HIVEP3: variants seen among roughly 807,000 people sequenced by gnomAD.
HIVEP3 encodes HIVEP zinc finger 3, also known as transcription factor HIVEP3.
Under a neutral mutation model 152.8 loss-of-function variants are expected in HIVEP3, and 49 were observed. The observed-to-expected ratio is 0.32, with a 90% CI of 0.26 to 0.41. The LOEUF (loss-of-function observed/expected upper bound fraction) is 0.41. Among genes scored for constraint, HIVEP3 ranks in the 10% least tolerant of loss-of-function variants. The pLI is 1.00. For missense variants in HIVEP3, 2,790 were observed against 3,103.3 expected, an observed-to-expected ratio of 0.90 and a Z score of 2.40; for synonymous variants, 1,269 against 1,289.0, an observed-to-expected ratio of 0.98 and a Z score of 0.33.
At chr1:41,524,966 C>A in intron 5 of HIVEP3, 56 bp from the exon 6 acceptor site, 1 of 1,524,894 alleles carries the variant, frequency 6.6e-7, no homozygotes, top group Non-Finnish European at 9.0e-7. Context: ...GGCAGGTTCC[C>A]ACCTCAGAAG....
intron 1 of HIVEP3, among the ~76,000 whole-genome samples, chr1:41,727,051 C>A (rs760601412): frequency 6.6e-6 from 1 of 152,186 alleles, no homozygotes; most frequent in Non-Finnish European, 1.5e-5. Context: ...TGCCTTTGGC[C>A]AGGTGTGGGC....
intron 5 of HIVEP3, among the ~76,000 whole-genome samples, chr1:41,562,629 CTCT>C (rs1228545366): frequency 1.1e-5 from 1 of 94,678 alleles, no homozygotes; most frequent in Non-Finnish European, 2.4e-5. Flanking sequence ...CTCTCTCTCT[CTCT>C]CCCTCTCTCT....
intron 1 of HIVEP3, among the ~76,000 whole-genome samples, chr1:41,819,613 T>C (rs1257949869): frequency 6.6e-6 from 1 of 152,220 alleles, no homozygotes; most frequent in Non-Finnish European, 1.5e-5. Flanking sequence ...CTTTGATTAA[T>C]TATTTCGAAG....
intron 5 of HIVEP3, among the ~76,000 whole-genome samples, chr1:41,554,206 T>C (rs926977302): frequency 3.9e-5 from 6 of 152,206 alleles, no homozygotes; most frequent in Admixed American, 1.3e-4. Flanking sequence ...CTTTTTACTC[T>C]TTTTTCTCTA....
At chr1:41,558,356 G>A (rs1248905737) in intron 5 of HIVEP3, among the ~76,000 whole-genome samples, 1 of 152,196 alleles carries the variant, frequency 6.6e-6, no homozygotes, top group Non-Finnish European at 1.5e-5. Context: ...GGTTAGACTA[G>A]CGTAAGCTAC....
intron 1 of HIVEP3, among the ~76,000 whole-genome samples, chr1:41,749,431 T>TGTGTGTGTGTGTGTGTGTGA (rs1289662782): frequency 3.3e-5 from 5 of 151,360 alleles, no homozygotes; most frequent in Non-Finnish European, 7.4e-5. Flanking sequence ...TGTGTGTGTG[T>TGTGTGTGTGTGTGTGTGTGA]GATGGAGAGA....
At chr1:41,638,039 G>A (rs150166253) in intron 2 of HIVEP3, among the ~76,000 whole-genome samples, 3 of 152,196 alleles carry the variant, frequency 2.0e-5, no homozygotes, top group East Asian at 1.9e-4. Flanking sequence ...AATAATAGAC[G>A]CTGGAGGCTC....
At chr1:41,621,996 T>A (rs1306432849) in intron 3 of HIVEP3, among the ~76,000 whole-genome samples, 1 of 152,252 alleles carries the variant, frequency 6.6e-6, no homozygotes, top group Non-Finnish European at 1.5e-5. Context: ...CATCATTTCC[T>A]GCCTGGATTG....
rs114499034 is a variant in HIVEP3, at chr1:41,520,760, C to T, written c.5384-2272G>A. On this transcript the variant is annotated intron_variant, in intron 6 of 8. Coordinates refer to ENST00000372583, the MANE Select transcript of HIVEP3 (RefSeq NM_024503.5). Reference sequence around the variant, plus strand: ...CATGTATGGGAAATGCCCTTGTCATCGCAGGAGGAAAATGTTGGAAGGAGC... The same window carrying T: ...CATGTATGGGAAATGCCCTTGTCATTGCAGGAGGAAAATGTTGGAAGGAGC... Among the ~76,000 whole-genome samples, 551 of 152,324 alleles carry T rather than the reference C, an allele frequency of 3.6e-3. 1 individual carries two copies. Among genetic ancestry groups the T allele is most frequent in the African/African-American group, 0.012 (519 of 41,574 alleles).
chr1:41,814,927 C>CTTTTTG (rs552217943), intron 1 of HIVEP3, among the ~76,000 whole-genome samples: 215 of 152,314 alleles, frequency 1.4e-3, no homozygotes, highest in Non-Finnish European at 2.5e-3. Flanking sequence ...AAAATCAGCA[C>CTTTTTG]TGCTCTGGGT....
intron 5 of HIVEP3, among the ~76,000 whole-genome samples, chr1:41,528,462 A>AT (rs1643094161): frequency 5.2e-5 from 1 of 19,138 alleles, no homozygotes; most frequent in African/African-American, 2.2e-4. Context: ...CACACACCCC[A>AT]CCCTCACCTT....
intron 1 of HIVEP3, among the ~76,000 whole-genome samples, chr1:41,895,267 G>T (rs1644509183): frequency 6.6e-6 from 1 of 152,052 alleles, no homozygotes; most frequent in East Asian, 1.9e-4. Flanking sequence ...CTTTCCCCAT[G>T]AACCCAGTTC....
intron 1 of HIVEP3, among the ~76,000 whole-genome samples, chr1:41,755,931 A>T (rs1396235063): frequency 6.6e-6 from 1 of 152,194 alleles, no homozygotes; most frequent in Non-Finnish European, 1.5e-5. Flanking sequence ...CAGTTTCTTT[A>T]AAAAAACTAA....
chr1:41,578,171 C>T (rs1644353658), intron 4 of HIVEP3, among the ~76,000 whole-genome samples: 1 of 152,178 alleles, frequency 6.6e-6, no homozygotes. Context: ...GTGTTTTGGT[C>T]TCCTCATCTA....
At chr1:41,537,147 C>A (rs1428027419) in intron 5 of HIVEP3, among the ~76,000 whole-genome samples, 1 of 152,190 alleles carries the variant, frequency 6.6e-6, no homozygotes, top group Non-Finnish European at 1.5e-5. Flanking sequence ...AAGGGATGAA[C>A]TCAATGGCCT....
At chr1:41,520,447 C>T (rs555586424) in intron 6 of HIVEP3, among the ~76,000 whole-genome samples, 1 of 152,220 alleles carries the variant, frequency 6.6e-6, no homozygotes, top group Non-Finnish European at 1.5e-5. Flanking sequence ...TCAGAGGTCC[C>T]TATCCAACCT....
At chr1:41,922,494 C>T (rs760551680), upstream of HIVEP3, among the ~76,000 whole-genome samples, 36 of 151,986 alleles carry the variant, frequency 2.4e-4, no homozygotes, top group Non-Finnish European at 2.9e-5. Context: ...AGATCTCTTC[C>T]AGCTGAGGAA....
intron 1 of HIVEP3, among the ~76,000 whole-genome samples, chr1:41,707,898 C>T (rs139828510): frequency 2.0e-5 from 3 of 152,364 alleles, no homozygotes; most frequent in Non-Finnish European, 4.4e-5. Flanking sequence ...ATAGACCTGG[C>T]CAAGCCGAAC....
Position 41,662,319 on chromosome 1 carries a change from G to T in HIVEP3, c.-720-33372C>A, listed in dbSNP as rs1459679401. On this transcript the variant is annotated intron_variant, in intron 2 of 8. Coordinates refer to ENST00000372583, the MANE Select transcript of HIVEP3 (RefSeq NM_024503.5). This position sits in a 1 kb window ranked among gnomAD's most constrained non-coding sequence, Gnocchi z 7.2. ...GGCCCACGCGGCGCGGGGTGGGCGC[G>T]GGGCGGGCTGGCGGGCGGGCGCCGG... The T allele has an allele frequency of 2.1e-5, 3 of 145,880 alleles. No individual in the cohort carries two copies. Among genetic ancestry groups the T allele is most frequent in the African/African-American group, 2.5e-5 (1 of 40,762 alleles). The allele number at this position is 145,880 out of a possible 1,614,324, so 9.0% of individuals were successfully genotyped here.
Sources: gnomAD v4.1 joint callset for allele counts (sites outside exome capture counted in the v4.1 genomes callset) on GRCh38, gnomAD v4.1.1 for gene constraint, Gnocchi (gnomAD v3.1) non-coding constraint, MANE v1.5 for transcripts, NCBI Gene and HGNC (gene_info 2026-07-23, HGNC 2026-07-21) for gene names.